The following SH3RF2 variants were observed in gnomAD, a reference collection of about 807,000 sequenced individuals.
SH3RF2 encodes the protein SH3 domain containing ring finger 2.
SH3RF2 carries 43 observed loss-of-function variants against 59.0 expected under a neutral mutation model. The ratio of observed to expected loss-of-function variants is 0.73; its 90% CI spans 0.57 to 0.94. The LOEUF (loss-of-function observed/expected upper bound fraction) is 0.94. Among genes scored for constraint, SH3RF2 ranks in the 40% least tolerant of loss-of-function variants. The pLI is 0.00. For synonymous variants in SH3RF2, 391 were observed against 391.5 expected (o/e 1.00, Z 0.01); for missense variants, 930 against 940.1 (o/e 0.99, Z 0.14).
rs1344794194 is a variant in SH3RF2, at chr5:146,006,073, C to G, written c.744+1920C>G. 2.6e-5 allele frequency among the ~76,000 whole-genome samples: 4 copies of G among 152,160 alleles called. No individual in the cohort carries two copies. In the East Asian group the frequency reaches 7.7e-4, roughly 29 times the overall value. On this transcript the variant is annotated intron_variant, in intron 4 of 9. Coordinates refer to ENST00000359120, the MANE Select transcript of SH3RF2 (RefSeq NM_152550.4). ...CACAAGACAAACATGGGTCCCTACT[C>G]TCAGAGACTATAAATTCAGAAAGTA...
chr5:146,039,792 A>T (rs1374042556), intron 5 of SH3RF2, among the ~76,000 whole-genome samples: 1 of 152,240 alleles, frequency 6.6e-6, no homozygotes, highest in African/African-American at 2.4e-5. Flanking sequence ...CACAGGGGAC[A>T]TGTACAAAAA....
intron 9 of SH3RF2, chr5:146,078,363 A>C (rs962336036): frequency 6.6e-6 from 1 of 152,188 alleles, no homozygotes; most frequent in African/African-American, 2.4e-5. Context: ...GGAGAAGATA[A>C]ATTTCTGCCC....
chr5:146,000,261 C>A lies in SH3RF2; in HGVS notation c.582C>A (p.Ala194=). The change falls in exon 3 of 10, where the codon GCC becomes GCA. Residue 194 remains alanine (A), a synonymous_variant. Coordinates refer to ENST00000359120, the MANE Select transcript of SH3RF2 (RefSeq NM_152550.4). ...QLPQPPPLCR[A]LYNFDLRGKD... Reference sequence around the variant, plus strand: ...CCCAGCCGCCCCCGCTCTGCAGGGCCCTCTACAACTTCGACCTACGAGGCA... The same window carrying A: ...CCCAGCCGCCCCCGCTCTGCAGGGCACTCTACAACTTCGACCTACGAGGCA... 6.2e-7 allele frequency: 1 copy of A among 1,613,816 alleles called. No homozygotes were observed.
chr5:146,055,830 T>G (rs1220202471), intron 7 of SH3RF2, 151 bp from the exon 8 acceptor site: 4 of 859,318 alleles, frequency 4.7e-6, no homozygotes, highest in Non-Finnish European at 7.2e-6. Flanking sequence ...AAGCCTGTAG[T>G]TCACAAAATG....
At chr5:145,958,931 A>G (rs1405862434) in intron 2 of SH3RF2, among the ~76,000 whole-genome samples, 2 of 152,190 alleles carry the variant, frequency 1.3e-5, no homozygotes, top group African/African-American at 4.8e-5. Context: ...GGTGCTCAAC[A>G]GCAATTTGGT....
chr5:146,051,138 G>A (rs1411093134), intron 7 of SH3RF2, among the ~76,000 whole-genome samples: 2 of 152,156 alleles, frequency 1.3e-5, no homozygotes, highest in African/African-American at 4.8e-5. Flanking sequence ...GGGAGGCTGG[G>A]GCAGGAGAAT....
At chr5:145,969,345 C>T (rs1198051064) in intron 2 of SH3RF2, among the ~76,000 whole-genome samples, 2 of 151,996 alleles carry the variant, frequency 1.3e-5, no homozygotes, top group Non-Finnish European at 2.9e-5. Context: ...GTTGATAGTG[C>T]AATCAGAATT....
intron 7 of SH3RF2, among the ~76,000 whole-genome samples, chr5:146,051,386 T>C (rs1762489932): frequency 6.6e-6 from 1 of 152,108 alleles, no homozygotes; most frequent in African/African-American, 2.4e-5. Flanking sequence ...GAATAAACTA[T>C]ACAAAGGAAA....
intron 5 of SH3RF2, among the ~76,000 whole-genome samples, chr5:146,028,670 G>A (rs1055761501): frequency 1.8e-4 from 27 of 152,346 alleles, no homozygotes; most frequent in African/African-American, 4.8e-4. Flanking sequence ...GTTGCCTCCC[G>A]CTGAGAACAG....
intron 2 of SH3RF2, among the ~76,000 whole-genome samples, chr5:145,971,977 A>C (rs972946089): frequency 2.0e-5 from 3 of 152,166 alleles, no homozygotes; most frequent in African/African-American, 7.2e-5. Context: ...TTAGCCCCAC[A>C]ACAACTGTAT....
intron 4 of SH3RF2, among the ~76,000 whole-genome samples, chr5:146,004,501 A>G (rs963360399): frequency 4.6e-5 from 7 of 152,216 alleles, no homozygotes; most frequent in Non-Finnish European, 1.0e-4. Context: ...ATAGATGTAC[A>G]AAATATTCAA....
chr5:146,074,036 CT>C (rs70998053), intron 9 of SH3RF2, among the ~76,000 whole-genome samples: 4,296 of 117,154 alleles, frequency 0.037, 39 homozygotes, highest in African/African-American at 0.066. Flanking sequence ...CATTAACACT[CT>C]TTTTTTTTTT....
At chr5:145,953,674 C>A (rs1758281188) in intron 2 of SH3RF2, among the ~76,000 whole-genome samples, 1 of 152,006 alleles carries the variant, frequency 6.6e-6, no homozygotes, top group Non-Finnish European at 1.5e-5. Flanking sequence ...AGCCTAGTAC[C>A]CAAAAGTTAC....
At position 146,000,042 on chromosome 5, in the gene SH3RF2, G is replaced by T. The variant is rs372705391; in HGVS notation, c.379-16G>T. Reference sequence around the variant, plus strand: ...TCTAAGCTAAGTACATATCTTATTGGTCTGTGCCATTGCAGGTGCCTCGAG... The same window carrying T: ...TCTAAGCTAAGTACATATCTTATTGTTCTGTGCCATTGCAGGTGCCTCGAG... On this transcript the variant is annotated splice_polypyrimidine_tract_variant and intron_variant, in intron 2 of 9. Coordinates refer to ENST00000359120, the MANE Select transcript of SH3RF2 (RefSeq NM_152550.4). 1 of 1,611,384 alleles carries T rather than the reference G, an allele frequency of 6.2e-7. No individual in the cohort carries two copies. Among genetic ancestry groups the T allele is most frequent in the Non-Finnish European group, 8.5e-7 (1 of 1,178,992 alleles).
At chr5:146,064,784 G>GA (rs70998051), downstream of SH3RF2, among the ~76,000 whole-genome samples, 9,674 of 36,972 alleles carry the variant, frequency 0.26, 2,489 homozygotes, top group Non-Finnish European at 0.28. Flanking sequence ...GGAAAGGAAG[G>GA]AAGGAAGGAA....
At chr5:146,042,666 T>C (rs1005461422) in intron 5 of SH3RF2, among the ~76,000 whole-genome samples, 1 of 152,196 alleles carries the variant, frequency 6.6e-6, no homozygotes, top group African/African-American at 2.4e-5. Flanking sequence ...GGGCAGAGCA[T>C]TGCCAGCAAC....
intron 5 of SH3RF2, among the ~76,000 whole-genome samples, chr5:146,036,771 C>T (rs1212905945): frequency 6.6e-6 from 1 of 152,180 alleles, no homozygotes; most frequent in South Asian, 2.1e-4. Flanking sequence ...GCATATTTGT[C>T]TTTGTGGTTT....
At chr5:146,047,331 A>G (rs1762339468) in intron 5 of SH3RF2, among the ~76,000 whole-genome samples, 1 of 152,142 alleles carries the variant, frequency 6.6e-6, no homozygotes, top group Non-Finnish European at 1.5e-5. Flanking sequence ...TCCTTTAATA[A>G]GGATTAACTT....
chr5:145,999,485 C>T (rs1393471244), intron 2 of SH3RF2, among the ~76,000 whole-genome samples: 2 of 152,148 alleles, frequency 1.3e-5, no homozygotes, highest in Non-Finnish European at 2.9e-5. Flanking sequence ...GTCATGCCTT[C>T]CTCATTAAGA....
Sources: gnomAD v4.1 joint callset for allele counts (sites outside exome capture counted in the v4.1 genomes callset) on GRCh38, gnomAD v4.1.1 for gene constraint, MANE v1.5 for transcripts, NCBI Gene and HGNC (gene_info 2026-07-23, HGNC 2026-07-21) for gene names.